The following PIGN variants were observed in gnomAD, a reference collection of about 807,000 sequenced individuals.
The protein encoded by PIGN is GPI ethanolamine phosphate transferase 1.
Under a neutral mutation model 125.4 loss-of-function variants are expected in PIGN, and 117 were observed. The observed-to-expected ratio is 0.93, with a 90% CI of 0.80 to 1.09. PIGN has a LOEUF of 1.09. Among genes scored for constraint, PIGN ranks in the 50% least tolerant of loss-of-function variants. The pLI, the probability that PIGN is intolerant of heterozygous loss-of-function variation, is 0.00. For synonymous variants in PIGN, 392 were observed against 377.8 expected (o/e 1.04, Z -0.44); for missense variants, 1,075 against 1,094.9 (o/e 0.98, Z 0.26).
chr18:62,157,409 A>T (rs554474096), intron 5 of PIGN, among the ~76,000 whole-genome samples, 182 bp from the exon 6 acceptor site: 4 of 152,204 alleles, frequency 2.6e-5, no homozygotes, highest in Non-Finnish European at 5.9e-5. Context: ...TTTACTTCTT[A>T]ATGAAATATA....
At chr18:62,032,518 T>C (rs773662008) in intron 23 of PIGN, among the ~76,000 whole-genome samples, 3 of 152,238 alleles carry the variant, frequency 2.0e-5, no homozygotes, top group Non-Finnish European at 4.4e-5. Context: ...TGTTCATACT[T>C]GATTATCTAT....
In PIGN at chr18:62,043,826, T is replaced by C. The variant is rs1270874761; in HGVS notation, c.*2030A>G. The C allele has an allele frequency of 6.6e-6, 1 of 152,222 alleles. No homozygotes were observed. Among genetic ancestry groups the C allele is most frequent in the Non-Finnish European group, 1.5e-5 (1 of 68,034 alleles). The allele number at this position is 152,222 out of a possible 1,614,324, so 9.4% of individuals were successfully genotyped here. Reference sequence around the variant, plus strand: ...TTAATTCTTATAACAATTCCTAATTTAAACATTGTTAATCAGCAAATGTCC... The same window carrying C: ...TTAATTCTTATAACAATTCCTAATTCAAACATTGTTAATCAGCAAATGTCC... On this transcript the variant is annotated 3_prime_UTR_variant, in exon 31 of 31. Transcript: ENST00000640252.
intron 6 of PIGN, among the ~76,000 whole-genome samples, chr18:62,156,770 T>C (rs2036750233): frequency 1.3e-5 from 2 of 152,222 alleles, no homozygotes; most frequent in Non-Finnish European, 2.9e-5. Flanking sequence ...AATTACATAA[T>C]TTAATTATAA....
chr18:62,127,503 T>C (rs1009170023), intron 14 of PIGN, among the ~76,000 whole-genome samples: 8 of 151,662 alleles, frequency 5.3e-5, no homozygotes, highest in Non-Finnish European at 8.8e-5. Flanking sequence ...GTATCTGTAA[T>C]AACAGTACCC....
intron 28 of PIGN, among the ~76,000 whole-genome samples, chr18:62,076,573 C>T (rs1046570858): frequency 6.6e-6 from 1 of 152,154 alleles, no homozygotes; most frequent in Non-Finnish European, 1.5e-5. Context: ...CTTCGCCTAA[C>T]CCAAATCCCA....
intron 7 of PIGN, among the ~76,000 whole-genome samples, chr18:62,149,706 T>C (rs1449045543): frequency 6.6e-6 from 1 of 152,144 alleles, no homozygotes; most frequent in African/African-American, 2.4e-5. Flanking sequence ...AACACTAACA[T>C]AAGGGCGGGA....
intron 30 of PIGN, chr18:62,058,917 G>A (rs1353497546): frequency 6.6e-6 from 1 of 152,154 alleles, no homozygotes; most frequent in African/African-American, 2.4e-5. Context: ...GCCAGGTGTA[G>A]TGGCTCATGC....
At chr18:62,029,817 T>C (rs1280156298) in intron 23 of PIGN, among the ~76,000 whole-genome samples, 6 of 152,288 alleles carry the variant, frequency 3.9e-5, no homozygotes, top group South Asian at 2.1e-4. Context: ...AAAGCATTCA[T>C]TGCATTGGGT....
At chr18:62,180,791 A>C (rs1568265236) in intron 1 of PIGN, among the ~76,000 whole-genome samples, 3 of 152,164 alleles carry the variant, frequency 2.0e-5, no homozygotes, top group Non-Finnish European at 4.4e-5. Context: ...TTATATATAA[A>C]TGTTGTTCAT....
chr18:62,046,101 G>A, intron 30 of PIGN, 122 bp from the exon 31 acceptor site: 1 of 963,666 alleles, frequency 1.0e-6, no homozygotes, highest in Non-Finnish European at 1.5e-6. Flanking sequence ...TGGAGTGGGT[G>A]TTCTTTACCT....
intron 12 of PIGN, among the ~76,000 whole-genome samples, chr18:62,139,663 G>A (rs921912484): frequency 6.6e-6 from 1 of 152,182 alleles, no homozygotes. Flanking sequence ...ACTATTTTCT[G>A]TTGAGAAATC....
intron 30 of PIGN, among the ~76,000 whole-genome samples, chr18:62,062,882 CT>C (rs71160811): frequency 9.5e-5 from 2 of 21,076 alleles, no homozygotes; most frequent in Non-Finnish European, 1.6e-4. Context: ...TTGTATTCTG[CT>C]TTTTTTTTTT....
intron 1 of PIGN, among the ~76,000 whole-genome samples, chr18:62,183,541 G>C (rs1178219751): frequency 6.6e-6 from 1 of 152,102 alleles, no homozygotes; most frequent in Non-Finnish European, 1.5e-5. Flanking sequence ...CTTCCTCAGG[G>C]ACTATGCAGG....
At chr18:62,180,741 T>C (rs958060098) in intron 1 of PIGN, among the ~76,000 whole-genome samples, 1 of 152,194 alleles carries the variant, frequency 6.6e-6, no homozygotes, top group Non-Finnish European at 1.5e-5. Context: ...TGTATGTTTA[T>C]ATAGTGTGTG....
chr18:62,167,522 C>A (rs2037189835), intron 1 of PIGN, among the ~76,000 whole-genome samples: 1 of 151,346 alleles, frequency 6.6e-6, no homozygotes, highest in Non-Finnish European at 1.5e-5. Context: ...GTCTCAGCTA[C>A]TCGGGAGGCT....
intron 1 of PIGN, among the ~76,000 whole-genome samples, chr18:62,179,910 A>C (rs2037657950): frequency 6.6e-6 from 1 of 152,204 alleles, no homozygotes; most frequent in Admixed American, 6.5e-5. Flanking sequence ...AGCTTATTCT[A>C]ATCAGTACTA....
intron 14 of PIGN, among the ~76,000 whole-genome samples, chr18:62,116,072 C>G (rs2146645048): frequency 6.6e-6 from 1 of 152,300 alleles, no homozygotes; most frequent in African/African-American, 2.4e-5. Context: ...ACTGGATTCA[C>G]TGGGATTTGG....
intron 14 of PIGN, among the ~76,000 whole-genome samples, chr18:62,117,200 G>A (rs76795556): frequency 0.034 from 5,099 of 151,892 alleles, 143 homozygotes; most frequent in East Asian, 0.068. Flanking sequence ...CCAAATATAC[G>A]TTTTATTTTT....
downstream of PIGN, among the ~76,000 whole-genome samples, chr18:62,039,993 C>T (rs1190291281): frequency 6.3e-5 from 6 of 95,896 alleles, no homozygotes; most frequent in Admixed American, 3.6e-4. Flanking sequence ...TGCCGCACCC[C>T]ATGTTTAGGG....
Sources: gnomAD v4.1 joint callset for allele counts (sites outside exome capture counted in the v4.1 genomes callset) on GRCh38, gnomAD v4.1.1 for gene constraint, MANE v1.5 for transcripts, NCBI Gene and HGNC (gene_info 2026-07-23, HGNC 2026-07-21) for gene names.